The following SBNO2 variants were observed in gnomAD, a reference collection of about 807,000 sequenced individuals.
SBNO2 encodes the protein strawberry notch homolog 2.
A neutral mutation model predicts 146.3 loss-of-function variants in SBNO2; 89 were observed. The observed-to-expected ratio is 0.61, with a 90% CI of 0.51 to 0.73. The LOEUF is 0.73. SBNO2 is among the 30% of genes least tolerant of loss of function. The probability of loss-of-function intolerance (pLI) is 0.00; values close to 1 mark genes in which losing one functional copy is unlikely to be tolerated. For synonymous variants in SBNO2, 1,147 were observed against 892.6 expected, an observed-to-expected ratio of 1.29 and a Z score of -5.08; for missense variants, 2,092 against 2,003.7, an observed-to-expected ratio of 1.04 and a Z score of -0.84.
intron 15 of SBNO2, among the ~76,000 whole-genome samples, 161 bp from the exon 16 acceptor site, chr19:1,117,087 G>A (rs1300415228): frequency 1.3e-5 from 2 of 152,172 alleles, no homozygotes; most frequent in African/African-American, 4.8e-5. Flanking sequence ...ACTGCTGGGT[G>A]GGGGTCTGCC....
At chr19:1,131,605 G>A (rs1013559318) in intron 4 of SBNO2, among the ~76,000 whole-genome samples, 1 of 152,126 alleles carries the variant, frequency 6.6e-6, no homozygotes, top group Non-Finnish European at 1.5e-5. Flanking sequence ...GCCGGCCTGC[G>A]CCACCAGAGC....
At chr19:1,127,859 C>T in intron 4 of SBNO2, 94 bp from the exon 5 acceptor site, 1 of 1,166,388 alleles carries the variant, frequency 8.6e-7, no homozygotes, top group Non-Finnish European at 1.2e-6. Context: ...ACACCACGGC[C>T]CTCCACACAC....
intron 4 of SBNO2, among the ~76,000 whole-genome samples, chr19:1,129,519 G>A (rs547496976): frequency 1.7e-3 from 254 of 152,236 alleles, no homozygotes; most frequent in African/African-American, 5.8e-3. Context: ...CACCCCAGGA[G>A]GGTAGGAGCA....
intron 4 of SBNO2, among the ~76,000 whole-genome samples, chr19:1,135,866 G>A (rs2145266502): frequency 6.6e-6 from 1 of 152,300 alleles, no homozygotes; most frequent in Admixed American, 6.5e-5. Flanking sequence ...AGTCTTTGGT[G>A]GCTGGGAGAA....
chr19:1,136,729 C>T lies in SBNO2; in HGVS notation c.280-8964G>A, dbSNP rs555168810. 5.3e-5 allele frequency among the ~76,000 whole-genome samples: 8 copies of T among 152,326 alleles called. No individual in the cohort carries two copies. In the South Asian group the frequency reaches 1.4e-3, roughly 28 times the overall value. On this transcript the variant is annotated intron_variant, in intron 4 of 31. Coordinates refer to ENST00000361757, the MANE Select transcript of SBNO2 (RefSeq NM_014963.3). This position sits in a 1 kb window ranked among gnomAD's most constrained non-coding sequence, Gnocchi z 4.2. ...GCCGGATGGGCCGAGGCATCTGACC[C>T]CTGCTGAAACGCATCTGCAGAACAG...
chr19:1,124,352 C>T (rs558358306), intron 5 of SBNO2, among the ~76,000 whole-genome samples: 12 of 152,320 alleles, frequency 7.9e-5, no homozygotes, highest in African/African-American at 2.4e-4. Flanking sequence ...AGCTTGGTCC[C>T]GCGGGAGCTG....
intron 17 of SBNO2, 135 bp from the exon 18 acceptor site, chr19:1,114,557 C>A (rs962031968): frequency 2.1e-5 from 15 of 702,622 alleles, no homozygotes; most frequent in Admixed American, 1.4e-4. Context: ...TGCCTCTGGG[C>A]AAGCAGCTCA....
rs5826725 is a variant in SBNO2 at position 1,147,432 on chromosome 19, T to TGGGG, written c.168-16_168-13dup. 3 of 662,126 alleles carry TGGGG rather than the reference T, an allele frequency of 4.5e-6. No homozygotes were observed. Among genetic ancestry groups the TGGGG allele is most frequent in the African/African-American group, 2.6e-5 (1 of 38,808 alleles). The allele number at this position is 662,126 out of a possible 1,614,324, so 41.0% of individuals were successfully genotyped here. A position where few individuals can be genotyped will look rare whatever the true frequency, so the allele number is the denominator to read the frequency against. On this transcript the variant is annotated splice_polypyrimidine_tract_variant and intron_variant, in intron 3 of 31. Coordinates refer to ENST00000361757, the MANE Select transcript of SBNO2 (RefSeq NM_014963.3). The stretch of plus-strand genomic sequence containing the variant: ...AGCTCATGAACGGGCTGGAGGGAGA[T>TGGGG]GGGGGGGGGGGAGGTGAGATGGGGT...
At position 1,136,424 on chromosome 19, in the gene SBNO2, T is replaced by C. The variant is rs2080085108; in HGVS notation, c.280-8659A>G. Among the ~76,000 whole-genome samples the C allele has an allele frequency of 6.6e-6, 1 of 152,224 alleles. No individual in the cohort carries two copies. Among genetic ancestry groups the C allele is most frequent in the African/African-American group, 2.4e-5 (1 of 41,466 alleles). On this transcript the variant is annotated intron_variant, in intron 4 of 31. Coordinates refer to ENST00000361757, the MANE Select transcript of SBNO2 (RefSeq NM_014963.3). This position sits in a 1 kb window ranked among gnomAD's most constrained non-coding sequence, Gnocchi z 4.2. ...GCTGCAGCCGGGCAGGGCCGAACCCTGGCGCACAGCTTCCTGCTGAGTCTC... is the reference window on the plus strand; with the variant it reads ...GCTGCAGCCGGGCAGGGCCGAACCCCGGCGCACAGCTTCCTGCTGAGTCTC...
rs572750185 is a variant in SBNO2 at position 1,157,739 on chromosome 19, A to T, written c.-126-3337T>A. Among the ~76,000 whole-genome samples, 94 of 152,298 alleles carry T rather than the reference A, an allele frequency of 6.2e-4. 1 individual carries two copies. The highest frequency in any genetic ancestry group is 2.2e-3 in the African/African-American group (93 of 41,552). On this transcript the variant is annotated intron_variant, in intron 1 of 31. Transcript: ENST00000361757. The surrounding 1 kb of genome is among the most constrained non-coding windows in gnomAD (Gnocchi z 6.8). Reference sequence around the variant, plus strand: ...TGGCCCAGACAGGACAACCACTGGGAAGGCAGAACCTCAGACAGGACCAAG... The same window carrying T: ...TGGCCCAGACAGGACAACCACTGGGTAGGCAGAACCTCAGACAGGACCAAG...
chr19:1,109,637 G>T lies in SBNO2; in HGVS notation c.3124-39C>A. ...GGGTGGGGGGGTGTGAGTGTGGTGG[G>T]GGCGGGGTGGGCAGAGTGTGAGGGG... On this transcript the variant is annotated intron_variant, in intron 27 of 31. Transcript: ENST00000361757. The surrounding 1 kb of genome is among the most constrained non-coding windows in gnomAD (Gnocchi z 4.2). 2 of 1,572,280 alleles carry T rather than the reference G, an allele frequency of 1.3e-6. No homozygotes were observed. Among genetic ancestry groups the T allele is most frequent in the East Asian group, 2.3e-5 (1 of 43,648 alleles).
chr19:1,114,640 TTTTA>T (rs2079809957), intron 17 of SBNO2, among the ~76,000 whole-genome samples: 3 of 151,708 alleles, frequency 2.0e-5, no homozygotes, highest in Non-Finnish European at 2.9e-5. Context: ...GGGGGCCATA[TTTTA>T]TTTATTTATT....
chr19:1,134,631 CA>C (rs1039772564), intron 4 of SBNO2, among the ~76,000 whole-genome samples: 28 of 152,196 alleles, frequency 1.8e-4, no homozygotes, highest in African/African-American at 6.7e-4. Context: ...TTCAGGTTAT[CA>C]GGGGGTGGGG....
rs1217467559 is a variant in SBNO2, at chr19:1,159,612, T to TG, written c.-126-5211dup. Among the ~76,000 whole-genome samples the TG allele has an allele frequency of 1.9e-3, 43 of 23,090 alleles. 1 individual carries two copies. Among genetic ancestry groups the TG allele is most frequent in the African/African-American group, 8.4e-3 (39 of 4,660 alleles). 15.1% of individuals were successfully genotyped at this position (23,090 alleles called of 152,430 possible). On this transcript the variant is annotated intron_variant, in intron 1 of 31. Transcript: ENST00000361757. ...ACAGTGGAGGGACAGCAGGGGACAGTGGGGGGCAGTGGGGGGACAGCGGGG... is the reference window on the plus strand; with the variant it reads ...ACAGTGGAGGGACAGCAGGGGACAGTGGGGGGGCAGTGGGGGGACAGCGGGG...
chr19:1,171,948 GGA>G (rs2080482033), intron 1 of SBNO2, among the ~76,000 whole-genome samples: 1 of 152,140 alleles, frequency 6.6e-6, no homozygotes, highest in Admixed American at 6.5e-5. Context: ...ATGGATGAAC[GGA>G]GAGGCCAGAC....
chr19:1,136,268 G>T lies in SBNO2; in HGVS notation c.280-8503C>A, dbSNP rs2080083838. Among the ~76,000 whole-genome samples the T allele has an allele frequency of 6.6e-6, 1 of 152,232 alleles. No homozygotes were observed. Among genetic ancestry groups the T allele is most frequent in the Non-Finnish European group, 1.5e-5 (1 of 68,024 alleles). ...GGACAGAGTCCTGGCCTTTGAAGCT[G>T]TGTGTGCTGCTTCCTCACAGCAGCC... On this transcript the variant is annotated intron_variant, in intron 4 of 31. Coordinates refer to ENST00000361757, the MANE Select transcript of SBNO2 (RefSeq NM_014963.3). The surrounding 1 kb of genome is among the most constrained non-coding windows in gnomAD (Gnocchi z 4.2).
At position 1,112,106 on chromosome 19, in the gene SBNO2, G is replaced by C. The variant is rs1356942780; in HGVS notation, c.2629-39C>G. On this transcript the variant is annotated intron_variant, in intron 22 of 31. Transcript: ENST00000361757. This position sits in a 1 kb window ranked among gnomAD's most constrained non-coding sequence, Gnocchi z 5.9. Reference sequence around the variant, plus strand: ...GGAGGCCATCAGTTGGTCACCTGGGGTCTGGCCTCTAGCACCCCACAAAGC... The same window carrying C: ...GGAGGCCATCAGTTGGTCACCTGGGCTCTGGCCTCTAGCACCCCACAAAGC... The C allele has an allele frequency of 7.5e-6, 12 of 1,610,250 alleles. No individual in the cohort carries two copies. Among genetic ancestry groups the C allele is most frequent in the Non-Finnish European group, 9.3e-6 (11 of 1,178,628 alleles).
Position 1,144,499 on chromosome 19 carries a change from G to T in SBNO2, c.279+2810C>A, listed in dbSNP as rs2080167933. On this transcript the variant is annotated intron_variant, in intron 4 of 31. Coordinates refer to ENST00000361757, the MANE Select transcript of SBNO2 (RefSeq NM_014963.3). The surrounding 1 kb of genome is among the most constrained non-coding windows in gnomAD (Gnocchi z 4.1). The stretch of plus-strand genomic sequence containing the variant: ...CAGCAGCAATTGTTCAGGAGGGGAG[G>T]AGCAGGAGAATTCATGAGACAGAGA... Among the ~76,000 whole-genome samples the T allele has an allele frequency of 6.6e-6, 1 of 152,184 alleles. No homozygotes were observed. The highest frequency in any genetic ancestry group is 1.5e-5 in the Non-Finnish European group (1 of 68,036).
chr19:1,122,952 G>A lies in SBNO2; in HGVS notation c.722C>T (p.Pro241Leu), dbSNP rs1249463315. The A allele has an allele frequency of 1.9e-6, 3 of 1,565,350 alleles. No homozygotes were observed. Among genetic ancestry groups the A allele is most frequent in the East Asian group, 2.4e-5 (1 of 42,010 alleles). Reference sequence around the variant, plus strand: ...GGCAGACAGGGCCCCGCTGTCCGAGGGCAGGGCCAGGGTGTAGGTGATGTC... The same window carrying A: ...GGCAGACAGGGCCCCGCTGTCCGAGAGCAGGGCCAGGGTGTAGGTGATGTC... ...PPDITYTLAL[P>L]SDSGALSALQ... Residue 241 changes from proline to leucine, a missense_variant, in exon 8 of 32, where the codon CCC (proline) becomes CTC (leucine). Pro to Leu is a moderately conservative substitution (Grantham distance 98). Coordinates refer to ENST00000361757, the MANE Select transcript of SBNO2 (RefSeq NM_014963.3).
Sources: allele counts gnomAD v4.1 joint callset (sites outside exome capture counted in the v4.1 genomes callset), GRCh38; gene constraint gnomAD v4.1.1; non-coding constraint Gnocchi (gnomAD v3.1); transcripts MANE v1.5; gene names NCBI Gene and HGNC (gene_info 2026-07-23, HGNC 2026-07-21).